Variants in MTMR3 observed in about 807,000 individuals in gnomAD.
The protein encoded by MTMR3 is phosphatidylinositol-3,5-bisphosphate 3-phosphatase MTMR3.
In MTMR3, 32 loss-of-function variants were observed where a neutral mutation model predicts 132.4. The ratio of observed to expected loss-of-function variants is 0.24; its 90% confidence interval spans 0.18 to 0.32. The LOEUF is 0.32. MTMR3 is among the 10% of genes least tolerant of loss of function. The pLI is 1.00. For synonymous variants in MTMR3, 556 were observed against 550.3 expected, an observed-to-expected ratio of 1.01 and a Z score of -0.14; for missense variants, 1,216 against 1,489.6, an observed-to-expected ratio of 0.82 and a Z score of 3.02.
intron 2 of MTMR3, among the ~76,000 whole-genome samples, chr22:29,968,826 G>T (rs2066478778): frequency 6.6e-6 from 1 of 152,184 alleles, no homozygotes; most frequent in African/African-American, 2.4e-5. Context: ...ATTAGTTTCA[G>T]TTCTTGAGCT....
chr22:29,936,776 T>G (rs1384331181), intron 1 of MTMR3, among the ~76,000 whole-genome samples: 1 of 152,382 alleles, frequency 6.6e-6, no homozygotes, highest in Middle Eastern at 3.4e-3. Flanking sequence ...TTATTTGCTT[T>G]TGTAAATTCT....
intron 1 of MTMR3, among the ~76,000 whole-genome samples, chr22:29,898,138 C>T (rs2064938976): frequency 1.3e-5 from 2 of 152,046 alleles, no homozygotes; most frequent in South Asian, 4.1e-4. Context: ...ACTGCACTTG[C>T]CTTACTTCAT....
intron 1 of MTMR3, among the ~76,000 whole-genome samples, chr22:29,891,065 G>GA (rs35004520): frequency 4.4e-4 from 65 of 147,116 alleles, no homozygotes; most frequent in Non-Finnish European, 6.8e-4. Context: ...AATGAAGTCA[G>GA]AAAAAAAAAA....
intron 3 of MTMR3, 56 bp downstream of exon 3, chr22:29,971,118 A>AT (rs965596021): frequency 6.5e-7 from 1 of 1,543,288 alleles, no homozygotes; most frequent in Non-Finnish European, 8.8e-7. Flanking sequence ...TGTCCTGACA[A>AT]TTAAGTGAAC....
chr22:30,025,712 G>A lies in MTMR3; in HGVS notation c.3508G>A (p.Val1170Ile). Residue 1170 changes from valine (V) to isoleucine (I), a missense_variant, in exon 20 of 20, where the codon GTA (valine) becomes ATA (isoleucine). Transcript: ENST00000401950. ...PSQQLFEPSR[V>I]CKSCYSSLHP... ...CCAGCAGCTCTTTGAACCCAGTCGAGTATGCAAGTCTTGCTATAGCAGCCT... is the reference window on the plus strand; with the variant it reads ...CCAGCAGCTCTTTGAACCCAGTCGAATATGCAAGTCTTGCTATAGCAGCCT... 2 of 1,614,152 alleles carry A rather than the reference G, an allele frequency of 1.2e-6. No homozygotes were observed. Among genetic ancestry groups the A allele is most frequent in the South Asian group, 1.1e-5 (1 of 91,086 alleles).
intron 2 of MTMR3, among the ~76,000 whole-genome samples, chr22:29,962,910 CTTTTTTTT>C (rs892383539): frequency 7.5e-6 from 1 of 133,600 alleles, no homozygotes; most frequent in South Asian, 2.4e-4. Context: ...TCTCTTTTTT[CTTTTTTTT>C]TTTTTTTTGA....
chr22:29,886,374 G>C (rs1299042228), intron 1 of MTMR3, among the ~76,000 whole-genome samples: 1 of 152,192 alleles, frequency 6.6e-6, no homozygotes, highest in Non-Finnish European at 1.5e-5. Context: ...TGAATCTTAA[G>C]TGTTTCAGAT....
rs2067988636 is a variant in MTMR3, at chr22:30,030,321, C to T, written c.*4520C>T. The T allele has an allele frequency of 6.7e-6, 1 of 149,476 alleles. No individual in the cohort carries two copies. Among genetic ancestry groups the T allele is most frequent in the South Asian group, 2.2e-4 (1 of 4,552 alleles). The allele number at this position is 149,476 out of a possible 1,614,324, so 9.3% of individuals were successfully genotyped here. A position where few individuals can be genotyped will look rare whatever the true frequency, so the allele number is the denominator to read the frequency against. On this transcript the variant is annotated 3_prime_UTR_variant, in exon 20 of 20. Transcript: ENST00000401950. ...ATTGCCATTTAAAATTGGCCTTTAA[C>T]AGCTTCCCAACTAGCTTATAAGATT...
At chr22:29,941,986 A>T (rs2065865590) in intron 1 of MTMR3, among the ~76,000 whole-genome samples, 1 of 152,116 alleles carries the variant, frequency 6.6e-6, no homozygotes, top group Non-Finnish European at 1.5e-5. Flanking sequence ...CCATCTCTTA[A>T]AAAGAAAAAA....
chr22:29,950,359 T>A (rs113468536), intron 1 of MTMR3, among the ~76,000 whole-genome samples: 3,321 of 133,324 alleles, frequency 0.025, 123 homozygotes, highest in African/African-American at 0.078. Flanking sequence ...TTTTTTATTT[T>A]TTTATTTATT....
At chr22:30,024,450 C>G (rs923525928) in intron 19 of MTMR3, 1 of 152,202 alleles carries the variant, frequency 6.6e-6, no homozygotes, top group Non-Finnish European at 1.5e-5. Flanking sequence ...GAACTAGTTA[C>G]GAAGTACAGC....
chr22:30,009,486 T>A (rs959572941), intron 12 of MTMR3: 4 of 209,278 alleles, frequency 1.9e-5, no homozygotes, highest in Non-Finnish European at 3.9e-5. Flanking sequence ...CAGTTTCTGA[T>A]GTCCCATAGT....
rs757046094 is a variant in MTMR3 at position 29,998,839 on chromosome 22, A to G, written c.539A>G (p.Asn180Ser). 4.3e-6 allele frequency: 7 copies of G among 1,610,602 alleles called. No individual in the cohort carries two copies. The highest frequency in any genetic ancestry group is 2.2e-5 in the East Asian group (1 of 44,666). The change falls in exon 8 of 20, where the codon AAC becomes AGC. Residue 180 changes from asparagine (N) to serine (S), a missense_variant. By Grantham distance (46) the Asn-to-Ser change is conservative (BLOSUM62 1). Around this residue, in one of 7 missense-constraint regions of MTMR3, gnomAD observed 129 missense variants for 245.7 expected, o/e 0.53. Transcript: ENST00000401950. Reference sequence around the variant, plus strand: ...ATGAACAACGCCTGGAGGATTTCCAACATCAATGAGAAGTACAAGTGAGTT... The same window carrying G: ...ATGAACAACGCCTGGAGGATTTCCAGCATCAATGAGAAGTACAAGTGAGTT... ...FDMNNAWRIS[N>S]INEKYKLCGS... is the part of the protein sequence containing the mutation.
chr22:30,015,222 A>AT (rs35996424), intron 14 of MTMR3: 12,932 of 141,378 alleles, frequency 0.091, 632 homozygotes, highest in East Asian at 0.14. Flanking sequence ...GATGTTTTTA[A>AT]TTTTTTTTTT....
Position 30,029,203 on chromosome 22 carries a change from C to T in MTMR3, c.*3402C>T, listed in dbSNP as rs1368824426. 6.6e-6 allele frequency: 1 copy of T among 152,316 alleles called. No individual in the cohort carries two copies. The highest frequency in any genetic ancestry group is 1.5e-5 in the Non-Finnish European group (1 of 68,048). The allele number at this position is 152,316 out of a possible 1,614,324, so 9.4% of individuals were successfully genotyped here. A position where few individuals can be genotyped will look rare whatever the true frequency, so the allele number is the denominator to read the frequency against. ...GTAGAGGGAATTTGGTCTGAAGCAA[C>T]AGGGCATGAACTGTGACTTTGAGCT... On this transcript the variant is annotated 3_prime_UTR_variant, in exon 20 of 20. Coordinates refer to ENST00000401950, the MANE Select transcript of MTMR3 (RefSeq NM_021090.4).
At chr22:29,942,919 A>T (rs1384894462) in intron 1 of MTMR3, among the ~76,000 whole-genome samples, 1 of 152,226 alleles carries the variant, frequency 6.6e-6, no homozygotes, top group Non-Finnish European at 1.5e-5. Context: ...CATCCTCCTC[A>T]GCTTACGAAG....
chr22:29,940,053 G>T (rs1006469371), intron 1 of MTMR3, among the ~76,000 whole-genome samples: 2 of 152,162 alleles, frequency 1.3e-5, no homozygotes, highest in African/African-American at 4.8e-5. Context: ...AGATCACGAG[G>T]TCAGGAGATC....
At chr22:29,970,497 CTTTTTTTTTTTTTT>C (rs11326857) in intron 2 of MTMR3, among the ~76,000 whole-genome samples, 3 of 57,744 alleles carry the variant, frequency 5.2e-5, no homozygotes, top group East Asian at 7.7e-4. Context: ...CCATGACCAG[CTTTTTTTTTTTTTT>C]TTTTTTTTTT....
chr22:29,894,534 G>A (rs1401686203), intron 1 of MTMR3, among the ~76,000 whole-genome samples: 1 of 151,692 alleles, frequency 6.6e-6, no homozygotes, highest in Admixed American at 6.6e-5. Flanking sequence ...GTGTGTGTGT[G>A]TGTTGTGGTA....
Sources: gnomAD v4.1 joint callset for allele counts (sites outside exome capture counted in the v4.1 genomes callset) on GRCh38, gnomAD v4.1.1 for gene constraint, gnomAD v4.1.1 regional missense constraint, MANE v1.5 for transcripts, NCBI Gene and HGNC (gene_info 2026-07-23, HGNC 2026-07-21) for gene names.